Variants in SLC15A4 observed in about 807,000 individuals in gnomAD.
The protein encoded by SLC15A4 is solute carrier family 15 member 4, also known as hPHT1.
Under a neutral mutation model 46.1 loss-of-function variants are expected in SLC15A4, and 26 were observed. The observed-to-expected ratio is 0.56, with a 90% CI of 0.41 to 0.78. The LOEUF is 0.78. SLC15A4 is among the 30% of genes least tolerant of loss of function. The pLI, the probability that SLC15A4 is intolerant of heterozygous loss-of-function variation, is 0.00. For missense variants in SLC15A4, 751 were observed against 755.7 expected (o/e 0.99, Z 0.07); for synonymous variants, 370 against 333.4 (o/e 1.11, Z -1.20).
In SLC15A4 at chr12:128,823,869, C is replaced by T. The variant is rs1231165929; in HGVS notation, c.75G>A (p.Ala25=). ...LGARRAAAAA[A]AAGAFAGRRA... ...GCCGGCCCGCGAACGCCCCAGCCGC[C>T]GCCGCGGCCGCCGCCGCCCGCCGCG... The change falls in exon 1 of 8, where the codon GCG becomes GCA. Residue 25 remains alanine (A), a synonymous_variant. Coordinates refer to ENST00000266771, the MANE Select transcript of SLC15A4 (RefSeq NM_145648.4). 4 of 978,722 alleles carry T rather than the reference C, an allele frequency of 4.1e-6. No homozygotes were observed. Among genetic ancestry groups the T allele is most frequent in the East Asian group, 1.1e-4 (1 of 9,130 alleles). The allele number at this position is 978,722 out of a possible 1,614,324, so 60.6% of individuals were successfully genotyped here. A position where few individuals can be genotyped will look rare whatever the true frequency, so the allele number is the denominator to read the frequency against.
chr12:128,817,009 A>G (rs1955762792), intron 1 of SLC15A4, among the ~76,000 whole-genome samples: 1 of 152,226 alleles, frequency 6.6e-6, no homozygotes, highest in African/African-American at 2.4e-5. Flanking sequence ...TGCTCCTCAA[A>G]AAGAGATTTG....
rs1364951813 is a variant in SLC15A4 at position 128,823,760 on chromosome 12, G to C, written c.184C>G (p.Leu62Val). The C allele has an allele frequency of 1.3e-6, 2 of 1,537,978 alleles. No individual in the cohort carries two copies. The highest frequency in any genetic ancestry group is 1.9e-5 in the Admixed American group (1 of 52,948). The change falls in exon 1 of 8, where the codon CTG (leucine) becomes GTG (valine). Residue 62 changes from leucine (L) to valine (V), a missense_variant. Leu to Val is a conservative substitution (Grantham distance 32, BLOSUM62 1). Transcript: ENST00000266771. Reference sequence around the variant, plus strand: ...TCCCAGCAGAACGGCGCCCCGTTCAGGAATAGCACCAGGTTGGACGTGATG... The same window carrying C: ...TCCCAGCAGAACGGCGCCCCGTTCACGAATAGCACCAGGTTGGACGTGATG... ...YGITSNLVLF[L>V]NGAPFCWEGA...
At position 128,810,021 on chromosome 12, in the gene SLC15A4, T is replaced by C. The variant is rs1483488044; in HGVS notation, c.933A>G (p.Lys311=). 2 of 1,614,098 alleles carry C rather than the reference T, an allele frequency of 1.2e-6. No individual in the cohort carries two copies. The highest frequency in any genetic ancestry group is 1.7e-5 in the Admixed American group (1 of 60,004). ...MSHGGPFTEE[K]VEDVKALVKI... is the part of the protein sequence containing the mutation. ...TGACCAGAGCTTTCACATCTTCCACTTTCTCTTCTGTAAATGGCCCACCAT... is the reference window on the plus strand; with the variant it reads ...TGACCAGAGCTTTCACATCTTCCACCTTCTCTTCTGTAAATGGCCCACCAT... The change falls in exon 3 of 8, where the codon AAA becomes AAG. Residue 311 remains lysine (K), a synonymous_variant. Coordinates refer to ENST00000266771, the MANE Select transcript of SLC15A4 (RefSeq NM_145648.4).
At chr12:128,807,580 G>T (rs1476147139) in intron 5 of SLC15A4, among the ~76,000 whole-genome samples, 2 of 152,198 alleles carry the variant, frequency 1.3e-5, no homozygotes, top group Admixed American at 6.5e-5. Context: ...GGTAGGACAG[G>T]CAGGCAGACA....
At position 128,794,146 on chromosome 12, in the gene SLC15A4, G is replaced by A; in HGVS notation, c.*50C>T. ...TCTTGCCTGTTCTCAGTGCACCCCA[G>A]TCAGTTACTGACATGTCAGCCTCAG... is the stretch of plus-strand genomic sequence containing the variant. On this transcript the variant is annotated 3_prime_UTR_variant, in exon 8 of 8. Coordinates refer to ENST00000266771, the MANE Select transcript of SLC15A4 (RefSeq NM_145648.4). 1.9e-6 allele frequency: 3 copies of A among 1,543,082 alleles called. No individual in the cohort carries two copies. The African/African-American group carries it at 4.1e-5, about 21-fold the overall frequency.
Position 128,794,123 on chromosome 12 carries a change from T to C in SLC15A4, c.*73A>G. ...AGACATTTTATGGGAATTTAAAGTC[T>C]TGCCTGTTCTCAGTGCACCCCAGTC... On this transcript the variant is annotated 3_prime_UTR_variant, in exon 8 of 8. Coordinates refer to ENST00000266771, the MANE Select transcript of SLC15A4 (RefSeq NM_145648.4). 1.5e-6 allele frequency: 2 copies of C among 1,363,032 alleles called. No homozygotes were observed. Among genetic ancestry groups the C allele is most frequent in the Non-Finnish European group, 2.0e-6 (2 of 995,082 alleles). 84.4% of individuals were successfully genotyped at this position (1,363,032 alleles called of 1,614,324 possible). A position where few individuals can be genotyped will look rare whatever the true frequency, so the allele number is the denominator to read the frequency against.
chr12:128,815,019 A>C lies in SLC15A4; in HGVS notation c.598T>G (p.Trp200Gly). Residue 200 changes from tryptophan to glycine, a missense_variant, in exon 2 of 8, where the codon TGG becomes GGG. Trp to Gly is a radical substitution (Grantham distance 184). Transcript: ENST00000266771. ...AGGATCGCTCCCAGGTTAATGCTCC[A>C]ATAAAACCAATTAAAAAATCTCCTA... is the stretch of plus-strand genomic sequence containing the variant. ...ATRRFFNWFYWSINLGAILSL... is the reference protein window; with the variant it reads ...ATRRFFNWFYGSINLGAILSL... 2 of 1,613,004 alleles carry C rather than the reference A, an allele frequency of 1.2e-6. No homozygotes were observed. The highest frequency in any genetic ancestry group is 1.7e-6 in the Non-Finnish European group (2 of 1,178,996).
Position 128,814,810 on chromosome 12 carries a change from A to G in SLC15A4, c.807T>C (p.Cys269=), listed in dbSNP as rs1486846798. The part of the protein sequence containing the change: ...DMFKILTYSC[C]SQKRSGERQS... ...GGCGCTCTCCACTTCGCTTCTGGGAACAGCAGGAATACGTCAGTATCTTGA... is the reference window on the plus strand; with the variant it reads ...GGCGCTCTCCACTTCGCTTCTGGGAGCAGCAGGAATACGTCAGTATCTTGA... The change falls in exon 2 of 8, where the codon TGT becomes TGC. Residue 269 remains cysteine (C), a synonymous_variant. Transcript: ENST00000266771. The G allele has an allele frequency of 2.5e-6, 4 of 1,614,214 alleles. No individual in the cohort carries two copies. The highest frequency in any genetic ancestry group is 2.2e-5 in the East Asian group (1 of 44,892).
intron 2 of SLC15A4, 97 bp from the exon 3 acceptor site, chr12:128,810,208 G>A: frequency 8.4e-7 from 1 of 1,190,262 alleles, no homozygotes; most frequent in African/African-American, 1.5e-5. Context: ...CCAGCTCACT[G>A]TATTGAATCT....
intron 7 of SLC15A4, among the ~76,000 whole-genome samples, chr12:128,797,399 G>GA (rs1955459153): frequency 1.3e-5 from 2 of 151,924 alleles, no homozygotes; most frequent in Non-Finnish European, 2.9e-5. Flanking sequence ...TCTGAGGGGG[G>GA]CAGTAAACTA....
rs532571711 is a variant in SLC15A4, at chr12:128,803,446, G to A, written c.1259-2437C>T. Among the ~76,000 whole-genome samples the A allele has an allele frequency of 3.9e-4, 58 of 150,368 alleles. No homozygotes were observed. In the South Asian group the frequency reaches 5.4e-3, roughly 14 times the overall value. The stretch of plus-strand genomic sequence containing the variant: ...TCATTTATTATTCACAGTAAGCTGG[G>A]GGGAGAAATAACCCAAGCTCATTTG... On this transcript the variant is annotated intron_variant, in intron 5 of 7. Coordinates refer to ENST00000266771, the MANE Select transcript of SLC15A4 (RefSeq NM_145648.4).
At position 128,808,827 on chromosome 12, in the gene SLC15A4, C is replaced by G. The variant is rs143469790; in HGVS notation, c.1219G>C (p.Val407Leu). 5.6e-5 allele frequency: 91 copies of G among 1,614,076 alleles called. No homozygotes were observed. The highest frequency in any genetic ancestry group is 7.6e-5 in the Non-Finnish European group (90 of 1,180,050). Reference sequence around the variant, plus strand: ...GAGCACATGACAAAGAACATGCCCACGGCGATCCTCTTCAGGGAGGATGGG... The same window carrying G: ...GAGCACATGACAAAGAACATGCCCAGGGCGATCCTCTTCAGGGAGGATGGG... ...LLPSSLKRIA[V>L]GMFFVMCSAF... Residue 407 changes from valine to leucine, a missense_variant, in exon 5 of 8, where the codon GTG becomes CTG. Physicochemically the swap from Val to Leu is conservative, Grantham distance 32. Transcript: ENST00000266771.
intron 6 of SLC15A4, among the ~76,000 whole-genome samples, chr12:128,799,839 T>C (rs1955493752): frequency 6.6e-6 from 1 of 152,138 alleles, no homozygotes; most frequent in Admixed American, 6.5e-5. Context: ...AGAGGCAATA[T>C]ACTTTATCTT....
chr12:128,814,782 T>C lies in SLC15A4; in HGVS notation c.835A>G (p.Ser279Gly), dbSNP rs1955723161. The C allele has an allele frequency of 6.2e-7, 1 of 1,613,924 alleles. No homozygotes were observed. Residue 279 changes from serine to glycine, a missense_variant, in exon 2 of 8, where the codon AGT becomes GGT. Physicochemically the swap from Ser to Gly is moderately conservative, Grantham distance 56. Transcript: ENST00000266771. ...TGAGAACTAAGTGCTTACCCATTACTCTGGCGCTCTCCACTTCGCTTCTGG... is the reference window on the plus strand; with the variant it reads ...TGAGAACTAAGTGCTTACCCATTACCCTGGCGCTCTCCACTTCGCTTCTGG... The part of the protein sequence containing the change: ...CSQKRSGERQ[S>G]NGEGIGVFQQ...
chr12:128,812,353 G>A (rs1001611336), intron 2 of SLC15A4, among the ~76,000 whole-genome samples: 4 of 151,642 alleles, frequency 2.6e-5, no homozygotes, highest in South Asian at 4.2e-4. Context: ...ACGGAGTCTC[G>A]CTACCTTCCA....
In SLC15A4 at chr12:128,810,130, A is replaced by G. The variant is rs766061446; in HGVS notation, c.843-19T>C. On this transcript the variant is annotated intron_variant, in intron 2 of 7. Transcript: ENST00000266771. ...GCCTTCACTTTGGGAAATAAAATGA[A>G]GGAATTAGTTTTCTTCCCCTCCCAG... 6.2e-7 allele frequency: 1 copy of G among 1,608,068 alleles called. No individual in the cohort carries two copies. The highest frequency in any genetic ancestry group is 1.1e-5 in the South Asian group (1 of 89,942).
At chr12:128,814,558 T>C (rs1423440604) in intron 2 of SLC15A4, 7 of 540,570 alleles carry the variant, frequency 1.3e-5, no homozygotes, top group African/African-American at 1.1e-4. Flanking sequence ...GGTTAAAGCA[T>C]GAGCTCTGGA....
At chr12:128,821,119 C>T (rs1955829934) in intron 1 of SLC15A4, among the ~76,000 whole-genome samples, 1 of 152,214 alleles carries the variant, frequency 6.6e-6, no homozygotes, top group East Asian at 1.9e-4. Flanking sequence ...TCTTGTACAG[C>T]CTGCAGAACC....
chr12:128,799,333 G>A lies in SLC15A4; in HGVS notation c.1499C>T (p.Ser500Leu). 1.2e-6 allele frequency: 2 copies of A among 1,614,152 alleles called. No individual in the cohort carries two copies. The highest frequency in any genetic ancestry group is 1.7e-6 in the Non-Finnish European group (2 of 1,180,038). ...GLFFFFSGVG[S>L]FVGSGLLALV... Reference sequence around the variant, plus strand: ...TGCCAGCAGTCCAGAACCCACGAACGACCCGACGCCAGAGAAGAAAAAGAA... The same window carrying A: ...TGCCAGCAGTCCAGAACCCACGAACAACCCGACGCCAGAGAAGAAAAAGAA... The change falls in exon 7 of 8, where the codon TCG becomes TTG. Residue 500 changes from serine (S) to leucine (L), a missense_variant. Physicochemically the swap from Ser to Leu is moderately radical, Grantham distance 145. Transcript: ENST00000266771.
Sources: allele counts gnomAD v4.1 joint callset (sites outside exome capture counted in the v4.1 genomes callset), GRCh38; gene constraint gnomAD v4.1.1; transcripts MANE v1.5; gene names NCBI Gene and HGNC (gene_info 2026-07-23, HGNC 2026-07-21).